PLEKHG1: variants seen among roughly 807,000 people sequenced by gnomAD.
PLEKHG1 encodes pleckstrin homology domain-containing family G member 1.
In PLEKHG1, 44 loss-of-function variants were observed where a neutral mutation model predicts 100.8. That is an observed-to-expected ratio of 0.44 (90% CI 0.34 to 0.56). PLEKHG1 has a LOEUF of 0.56. PLEKHG1 is among the 20% of genes least tolerant of loss of function. The pLI is 0.01. For missense variants in PLEKHG1, 1,545 were observed against 1,720.9 expected (o/e 0.90, Z 1.81); for synonymous variants, 640 against 662.5 (o/e 0.97, Z 0.52).
intron 2 of PLEKHG1, among the ~76,000 whole-genome samples, chr6:150,747,632 CCT>C (rs35611869): frequency 0.094 from 14,241 of 152,092 alleles, 723 homozygotes; most frequent in Admixed American, 0.15. Context: ...GTGGCTCACA[CCT>C]CTGTAACCTC....
intron 11 of PLEKHG1, 43 bp from the exon 13 acceptor site, chr6:150,819,636 C>G (rs370136401): frequency 4.7e-6 from 5 of 1,053,322 alleles, no homozygotes; most frequent in African/African-American, 4.7e-5. Flanking sequence ...CTGAGAAGCC[C>G]CTGACACCAC....
chr6:150,623,410 G>A (rs1256995317), intron 1 of PLEKHG1, among the ~76,000 whole-genome samples: 1 of 152,184 alleles, frequency 6.6e-6, no homozygotes, highest in South Asian at 2.1e-4. Flanking sequence ...AGCACATCAC[G>A]CAAATAACAA....
At chr6:150,702,513 T>C (rs1430222127) in intron 3 of PLEKHG1, among the ~76,000 whole-genome samples, 1 of 150,512 alleles carries the variant, frequency 6.6e-6, no homozygotes, top group African/African-American at 2.5e-5. Flanking sequence ...ATAAAGGGCA[T>C]TGGGAACCTC....
chr6:150,743,192 G>A (rs900915580), intron 2 of PLEKHG1, among the ~76,000 whole-genome samples: 47 of 152,288 alleles, frequency 3.1e-4, no homozygotes, highest in African/African-American at 1.1e-3. Context: ...CTATCATTTA[G>A]TGATGGTGTA....
intron 4 of PLEKHG1, among the ~76,000 whole-genome samples, chr6:150,790,194 T>C (rs1293655007): frequency 6.6e-6 from 1 of 152,042 alleles, no homozygotes; most frequent in Non-Finnish European, 1.5e-5. Flanking sequence ...GCTAATTTTG[T>C]ATTTATTTTT....
intron 2 of PLEKHG1, among the ~76,000 whole-genome samples, chr6:150,739,908 G>A (rs1349849381): frequency 1.3e-5 from 2 of 152,276 alleles, no homozygotes; most frequent in Admixed American, 1.3e-4. Context: ...AGAGAAGGGT[G>A]TTTTTCACAC....
chr6:150,792,699 A>C (rs1427472912), intron 4 of PLEKHG1, among the ~76,000 whole-genome samples: 1 of 152,036 alleles, frequency 6.6e-6, no homozygotes, highest in Non-Finnish European at 1.5e-5. Flanking sequence ...ACAAAAAAAA[A>C]CCACACCACT....
At chr6:150,722,662 T>C (rs1399503450) in intron 1 of PLEKHG1, among the ~76,000 whole-genome samples, 1 of 152,170 alleles carries the variant, frequency 6.6e-6, no homozygotes, top group African/African-American at 2.4e-5. Context: ...TCTTCCTCCT[T>C]TTTTAAAAGA....
rs80335877 is a variant in PLEKHG1, at chr6:150,801,300, A to G, written c.780+431A>G. 9.6e-3 allele frequency among the ~76,000 whole-genome samples: 1,468 copies of G among 152,330 alleles called. 26 individuals are homozygous for G. The highest frequency in any genetic ancestry group is 0.034 in the African/African-American group (1,396 of 41,574). On this transcript the variant is annotated intron_variant, in intron 6 of 15. Transcript: ENST00000358517. ...AGGGAGAAGACAGATGAGCAGAGTG[A>G]TAAGTGATCTCCAAGCTGGGCTTAG...
intron 4 of PLEKHG1, among the ~76,000 whole-genome samples, chr6:150,790,167 A>G (rs1203927956): frequency 3.3e-5 from 5 of 152,042 alleles, no homozygotes; most frequent in Admixed American, 2.6e-4. Flanking sequence ...GATTACAGGC[A>G]TGTGCCACCA....
At chr6:150,718,835 T>C (rs2128608111), upstream of PLEKHG1, among the ~76,000 whole-genome samples, 1 of 151,930 alleles carries the variant, frequency 6.6e-6, no homozygotes, top group East Asian at 1.9e-4. Context: ...CCTCATGCGC[T>C]ATCCATTGGT....
At chr6:150,711,815 A>G (rs1781251041) in intron 3 of PLEKHG1, among the ~76,000 whole-genome samples, 1 of 152,226 alleles carries the variant, frequency 6.6e-6, no homozygotes, top group African/African-American at 2.4e-5. Context: ...TCAAATTCAC[A>G]ATATTTTTCT....
chr6:150,664,379 T>C (rs9478776), intron 3 of PLEKHG1: 23,855 of 152,222 alleles, frequency 0.16, 2,152 homozygotes, highest in African/African-American at 0.26. Context: ...GCTCCAGCTA[T>C]GCCATATGAC....
rs147028043 is a variant in PLEKHG1, at chr6:150,818,594, G to T, written c.1312+378G>T. The stretch of plus-strand genomic sequence containing the variant: ...AAAATGTTGATTATCTGCAAGAATC[G>T]CAATCACTTCGTAGTATTGGTTTTC... On this transcript the variant is annotated intron_variant, in intron 11 of 15. Transcript: ENST00000358517. Among the ~76,000 whole-genome samples, 26 of 152,230 alleles carry T rather than the reference G, an allele frequency of 1.7e-4. No homozygotes were observed. In the Middle Eastern group the frequency reaches 0.01, roughly 60 times the overall value.
At chr6:150,827,805 T>C (rs1017774359) in intron 14 of PLEKHG1, 2 of 1,419,220 alleles carry the variant, frequency 1.4e-6, no homozygotes, top group African/African-American at 2.8e-5. Flanking sequence ...GGTGAAAACA[T>C]ATGAAGATAT....
At chr6:150,693,023 G>GTA (rs1272092675) in intron 3 of PLEKHG1, among the ~76,000 whole-genome samples, 6 of 152,296 alleles carry the variant, frequency 3.9e-5, no homozygotes, top group South Asian at 4.1e-4. Flanking sequence ...TAAGGAGCTT[G>GTA]GATTTAATAT....
Position 150,683,665 on chromosome 6 carries a change from A to T in PLEKHG1, c.-99+32879A>T. 1 of 583,578 alleles carries T rather than the reference A, an allele frequency of 1.7e-6. No homozygotes were observed. Among genetic ancestry groups the T allele is most frequent in the South Asian group, 1.9e-5 (1 of 52,646 alleles). 36.1% of individuals were successfully genotyped at this position (583,578 alleles called of 1,614,324 possible). A position where few individuals can be genotyped will look rare whatever the true frequency, so the allele number is the denominator to read the frequency against. ...ACCTGCTATAACTGGCAAACTAAGG[A>T]TGACAGAGTGTTCAATGATGCTGTT... On this transcript the variant is annotated intron_variant, in intron 3 of 3. Transcript: ENST00000367326. This position sits in a 1 kb window ranked among gnomAD's most constrained non-coding sequence, Gnocchi z 4.0.
intron 3 of PLEKHG1, among the ~76,000 whole-genome samples, chr6:150,681,303 A>T (rs1779924637): frequency 6.6e-6 from 1 of 151,596 alleles, no homozygotes; most frequent in African/African-American, 2.4e-5. Flanking sequence ...GGGTAGATCA[A>T]GAGATCAAGA....
intron 2 of PLEKHG1, among the ~76,000 whole-genome samples, chr6:150,767,428 T>C (rs1246615136): frequency 6.6e-6 from 1 of 152,232 alleles, no homozygotes; most frequent in Non-Finnish European, 1.5e-5. Context: ...TTATGTACAT[T>C]GGTTTATGCA....
Sources: allele counts gnomAD v4.1 joint callset (sites outside exome capture counted in the v4.1 genomes callset), GRCh38; gene constraint gnomAD v4.1.1; non-coding constraint Gnocchi (gnomAD v3.1); transcripts MANE v1.5; gene names NCBI Gene and HGNC (gene_info 2026-07-23, HGNC 2026-07-21).